Variants in PRDM2 observed in about 807,000 individuals in gnomAD.
PRDM2 encodes the protein PR domain zinc finger protein 2.
In PRDM2, 30 loss-of-function variants were observed where a neutral mutation model predicts 130.0. The observed-to-expected ratio is 0.23, with a 90% CI of 0.17 to 0.31. The LOEUF (loss-of-function observed/expected upper bound fraction) is 0.31. PRDM2 is among the 10% of genes least tolerant of loss of function. The pLI is 1.00. For missense variants in PRDM2, 2,011 were observed against 2,108.4 expected (o/e 0.95, Z 0.90); for synonymous variants, 871 against 782.4 (o/e 1.11, Z -1.89).
In PRDM2 at chr1:13,806,307, C is replaced by T. The variant is rs1204551728; in HGVS notation, c.5037-10120C>T. Among the ~76,000 whole-genome samples the T allele has an allele frequency of 2.0e-5, 3 of 152,102 alleles. No homozygotes were observed. Among genetic ancestry groups the T allele is most frequent in the Non-Finnish European group, 4.4e-5 (3 of 68,030 alleles). ...TGGGCTCTGTCCCCTCGCTCCGTCT[C>T]CGCTCCCCCTTGGTGATCTCATCCA... On this transcript the variant is annotated intron_variant, in intron 8 of 9. Coordinates refer to ENST00000311066, the MANE Select transcript of PRDM2 (RefSeq NM_001393986.1). The surrounding 1 kb of genome is among the most constrained non-coding windows in gnomAD (Gnocchi z 4.1).
chr1:13,792,895 C>G (rs1159581925), intron 8 of PRDM2, among the ~76,000 whole-genome samples: 2 of 152,224 alleles, frequency 1.3e-5, no homozygotes, highest in Non-Finnish European at 2.9e-5. Flanking sequence ...AGAGAGGCAA[C>G]ATCACTTGAA....
chr1:13,719,441 G>A (rs768783127), intron 2 of PRDM2, among the ~76,000 whole-genome samples: 1 of 152,122 alleles, frequency 6.6e-6, no homozygotes, highest in African/African-American at 2.4e-5. Context: ...TTAGGGCTAC[G>A]GGACAGTGAC....
At chr1:13,795,952 C>G (rs1033178538) in intron 8 of PRDM2, among the ~76,000 whole-genome samples, 8 of 152,182 alleles carry the variant, frequency 5.3e-5, no homozygotes, top group Non-Finnish European at 7.3e-5. Context: ...GGTTCACACT[C>G]AGGGAAAGAG....
intron 6 of PRDM2, among the ~76,000 whole-genome samples, chr1:13,763,704 T>C (rs899215164): frequency 3.3e-5 from 5 of 152,242 alleles, no homozygotes; most frequent in African/African-American, 1.2e-4. Flanking sequence ...GTTTTTACTT[T>C]TGTTGGCGTC....
chr1:13,823,038 T>G, intron 9 of PRDM2, 121 bp from the exon 10 acceptor site: 3 of 966,964 alleles, frequency 3.1e-6, no homozygotes, highest in Non-Finnish European at 3.2e-6. Context: ...TTTTGCTCTA[T>G]GTATGGTATG....
chr1:13,749,258 TTTGCCATCGGCGCCGCTCCCGCCC>T (rs1643722226), intron 5 of PRDM2, 79 bp from the exon 6 acceptor site: 1 of 1,113,578 alleles, frequency 9.0e-7, no homozygotes, highest in East Asian at 6.2e-5. Context: ...CCGACAGCTG[TTTGCCATCGGCGCCGCTCCCGCCC>T]GCGTCCCGGT....
intron 6 of PRDM2, among the ~76,000 whole-genome samples, chr1:13,762,520 A>G (rs1002713406): frequency 4.6e-5 from 7 of 152,160 alleles, no homozygotes; most frequent in Non-Finnish European, 1.0e-4. Flanking sequence ...TCCACCAGCC[A>G]TTGGACGCTG....
At chr1:13,713,134 T>TAGAGGTAGAGAC (rs78945459) in intron 1 of PRDM2, among the ~76,000 whole-genome samples, 125,482 of 151,870 alleles carry the variant, frequency 0.83, 52,441 homozygotes, top group African/African-American at 0.96. Context: ...TGAATTTGCA[T>TAGAGGTAGAGAC]AGAGATTGTA....
At position 13,778,959 on chromosome 1, in the gene PRDM2, T is replaced by C; in HGVS notation, c.1164T>C (p.His388=). Residue 388 remains histidine, a synonymous_variant, in exon 8 of 10, where the codon CAT becomes CAC. Coordinates refer to ENST00000311066, the MANE Select transcript of PRDM2 (RefSeq NM_001393986.1). ...ATATCCATATATCCACCGTCAATCA[T>C]GCTTTCAAATGCAAGTACTGTGGGA... ...HMHIHISTVN[H]AFKCKYCGKA... 1 of 1,614,202 alleles carries C rather than the reference T, an allele frequency of 6.2e-7. No individual in the cohort carries two copies.
At position 13,780,229 on chromosome 1, in the gene PRDM2, A is replaced by G. The variant is rs1245873532; in HGVS notation, c.2434A>G (p.Ser812Gly). ...EYKMSKEWTA[S>G]SAFSSVCNQQ... ...TAAAATGTCTAAAGAGTGGACAGCT[A>G]GTTCTGCTTTTAGCAGTGTGTGCAA... The change falls in exon 8 of 10, where the codon AGT becomes GGT. Residue 812 changes from serine to glycine, a missense_variant. Physicochemically the swap from Ser to Gly is moderately conservative, Grantham distance 56 (BLOSUM62 0). This residue lies in a region of PRDM2 where 1,288 missense variants were observed against 1,237.7 expected (regional missense o/e 1.04). Transcript: ENST00000311066. 1.9e-6 allele frequency: 3 copies of G among 1,610,498 alleles called. No homozygotes were observed. Among genetic ancestry groups the G allele is most frequent in the South Asian group, 2.2e-5 (2 of 90,702 alleles).
intron 1 of PRDM2, among the ~76,000 whole-genome samples, chr1:13,706,465 ATTC>A (rs1642213512): frequency 6.6e-6 from 1 of 152,272 alleles, no homozygotes; most frequent in African/African-American, 2.4e-5. Flanking sequence ...CTTCTCAGTC[ATTC>A]TTCTTCCATC....
intron 2 of PRDM2, 151 bp downstream of exon 2, chr1:13,715,765 G>A: frequency 5.9e-6 from 4 of 679,322 alleles, no homozygotes; most frequent in Admixed American, 3.7e-5. Context: ...TGTTCATACC[G>A]TGCATTTGTT....
chr1:13,730,320 C>T (rs537856863), intron 2 of PRDM2, among the ~76,000 whole-genome samples: 2 of 152,340 alleles, frequency 1.3e-5, no homozygotes, highest in Admixed American at 6.5e-5. Flanking sequence ...ATGATGAATT[C>T]CAGCCTAAAC....
Position 13,781,768 on chromosome 1 carries a change from A to G in PRDM2, c.3973A>G (p.Ile1325Val), listed in dbSNP as rs1297415995. ...VTATNFTTHN[I>V]PQTFTTAIRC... is the part of the protein sequence containing the mutation. ...AGCCACAAATTTCACTACACACAAT[A>G]TTCCACAGACTTTCACTACCGCCAT... The change falls in exon 8 of 10, where the codon ATT (isoleucine) becomes GTT (valine). Residue 1325 changes from isoleucine (I) to valine (V), a missense_variant. Physicochemically the swap from Ile to Val is conservative, Grantham distance 29. This residue lies in a region of PRDM2 where 229 missense variants were observed against 364.1 expected (regional missense o/e 0.63). Coordinates refer to ENST00000311066, the MANE Select transcript of PRDM2 (RefSeq NM_001393986.1). This position sits in a 1 kb window ranked among gnomAD's most constrained non-coding sequence, Gnocchi z 6.1. 1 of 1,614,186 alleles carries G rather than the reference A, an allele frequency of 6.2e-7. No individual in the cohort carries two copies. The highest frequency in any genetic ancestry group is 1.1e-5 in the South Asian group (1 of 91,086).
intron 7 of PRDM2, among the ~76,000 whole-genome samples, chr1:13,777,207 T>C (rs955989183): frequency 6.6e-6 from 1 of 152,052 alleles, no homozygotes; most frequent in African/African-American, 2.4e-5. Flanking sequence ...GTCAACTTCA[T>C]TGACAAAATA....
chr1:13,787,236 A>G (rs1644760457), intron 8 of PRDM2: 2 of 983,626 alleles, frequency 2.0e-6, no homozygotes, highest in South Asian at 4.7e-5. Context: ...ATCAGAGACT[A>G]TGTAGCAATA....
chr1:13,770,140 A>G (rs2884788), intron 6 of PRDM2, among the ~76,000 whole-genome samples: 2 of 151,970 alleles, frequency 1.3e-5, no homozygotes, highest in Non-Finnish European at 2.9e-5. Context: ...ACCTACTGCA[A>G]ATGGCTTCTC....
At chr1:13,796,295 A>G (rs1644921305) in intron 8 of PRDM2, among the ~76,000 whole-genome samples, 1 of 152,134 alleles carries the variant, frequency 6.6e-6, no homozygotes, top group African/African-American at 2.4e-5. Context: ...CATCCTTCAG[A>G]TATGCTTCTG....
intron 1 of PRDM2, among the ~76,000 whole-genome samples, chr1:13,715,339 C>T (rs975155166): frequency 2.0e-5 from 3 of 152,052 alleles, no homozygotes; most frequent in African/African-American, 7.2e-5. Context: ...ACAGTGAAGC[C>T]CTAGCAAAGA....
Sources: allele counts gnomAD v4.1 joint callset (sites outside exome capture counted in the v4.1 genomes callset), GRCh38; gene constraint gnomAD v4.1.1; regional missense constraint gnomAD v4.1.1; non-coding constraint Gnocchi (gnomAD v3.1); transcripts MANE v1.5; gene names NCBI Gene and HGNC (gene_info 2026-07-23, HGNC 2026-07-21).